The following THPO variants were observed in gnomAD, a reference collection of about 807,000 sequenced individuals.
The protein encoded by THPO is thrombopoietin, also known as MPL ligand.
THPO carries 12 observed loss-of-function variants against 17.0 expected under a neutral mutation model. That is an observed-to-expected ratio of 0.71 (90% CI 0.45 to 1.14). The LOEUF (loss-of-function observed/expected upper bound fraction) is 1.14, where lower values mean the gene tolerates loss of function less well. THPO is among the 50% of genes most tolerant of loss of function. The pLI is 0.00. For synonymous variants in THPO, 188 were observed against 183.0 expected, an observed-to-expected ratio of 1.03 and a Z score of -0.22; for missense variants, 365 against 427.5, an observed-to-expected ratio of 0.85 and a Z score of 1.29.
chr3:184,373,406 G>T lies in THPO; in HGVS notation c.396+9C>A. The T allele has an allele frequency of 1.9e-6, 3 of 1,613,946 alleles. No homozygotes were observed. The highest frequency in any genetic ancestry group is 2.5e-6 in the Non-Finnish European group (3 of 1,179,946). On this transcript the variant is annotated intron_variant, in intron 5 of 5. Coordinates refer to ENST00000647395, the MANE Select transcript of THPO (RefSeq NM_000460.4). ...ACAGTTTCTACAGATCCCTTGACTG[G>T]GGACTTACCTGGGTTCCAAGGAGGC... is the stretch of plus-strand genomic sequence containing the variant.
At chr3:184,377,787 G>C (rs1410352947) in intron 1 of THPO, among the ~76,000 whole-genome samples, 2 of 152,186 alleles carry the variant, frequency 1.3e-5, no homozygotes, top group Non-Finnish European at 2.9e-5. Context: ...TAAGCCCTAA[G>C]TGCAGCTCCC....
chr3:184,374,551 T>A (rs891037710), intron 4 of THPO, among the ~76,000 whole-genome samples: 6 of 152,196 alleles, frequency 3.9e-5, no homozygotes, highest in Non-Finnish European at 5.9e-5. Flanking sequence ...TGTAGTCCAC[T>A]CGGAATAGAG....
Position 184,373,128 on chromosome 3 carries a change from G to A in THPO, c.447C>T (p.Phe149=). 1 of 1,613,532 alleles carries A rather than the reference G, an allele frequency of 6.2e-7. No homozygotes were observed. The highest frequency in any genetic ancestry group is 8.5e-7 in the Non-Finnish European group (1 of 1,180,020). The part of the protein sequence containing the change: ...TTAHKDPNAI[F]LSFQHLLRGK... ...CTCGGAGCAGGTGTTGGAAGCTCAG[G>A]AAGATGGCATTGGGATCCTTGTGAG... Residue 149 remains phenylalanine (F), a synonymous_variant, in exon 6 of 6, where the codon TTC becomes TTT. Coordinates refer to ENST00000647395, the MANE Select transcript of THPO (RefSeq NM_000460.4).
At chr3:184,373,202 G>A (rs1714092281) in intron 5 of THPO, 24 bp from the exon 6 acceptor site, 1 of 1,607,778 alleles carries the variant, frequency 6.2e-7, no homozygotes, top group Admixed American at 1.7e-5. Context: ...ATGGTCCTGA[G>A]GCCAAACACC....
upstream of THPO, chr3:184,378,773 C>CCT: frequency 1.0e-6 from 1 of 984,726 alleles, no homozygotes; most frequent in Non-Finnish European, 1.2e-6. Context: ...TGCTCGTCTG[C>CCT]TGGGGTCCAG....
At position 184,375,516 on chromosome 3, in the gene THPO, A is replaced by G. The variant is rs1359148425; in HGVS notation, c.227T>C (p.Met76Thr). Residue 76 changes from methionine (M) to threonine (T), a missense_variant and splice_region_variant, in exon 4 of 6, where the codon ATG becomes ACG. Coordinates refer to ENST00000647395, the MANE Select transcript of THPO (RefSeq NM_000460.4). ...CAAGGTTAGGGATGGCTTTCTTACCATCTGGGTTTTCCATTCTCCCAAGCT... is the reference window on the plus strand; with the variant it reads ...CAAGGTTAGGGATGGCTTTCTTACCGTCTGGGTTTTCCATTCTCCCAAGCT... ...DFSLGEWKTQ[M>T]EETKAQDILG... 1.9e-6 allele frequency: 3 copies of G among 1,614,004 alleles called. No individual in the cohort carries two copies. The highest frequency in any genetic ancestry group is 1.3e-5 in the African/African-American group (1 of 74,926).
Position 184,375,532 on chromosome 3 carries a change from C to T in THPO, c.211G>A (p.Glu71Lys), listed in dbSNP as rs1714313509. Residue 71 changes from glutamate (E) to lysine (K), a missense_variant, in exon 4 of 6, where the codon GAA becomes AAA. Transcript: ENST00000647395. Reference sequence around the variant, plus strand: ...TTTCTTACCATCTGGGTTTTCCATTCTCCCAAGCTAAAGTCCACAGCAGGC... The same window carrying T: ...TTTCTTACCATCTGGGTTTTCCATTTTCCCAAGCTAAAGTCCACAGCAGGC... ...LLPAVDFSLG[E>K]WKTQMEETKA... 1 of 1,614,032 alleles carries T rather than the reference C, an allele frequency of 6.2e-7. No homozygotes were observed. Among genetic ancestry groups the T allele is most frequent in the South Asian group, 1.1e-5 (1 of 91,084 alleles).
chr3:184,373,091 A>C lies in THPO; in HGVS notation c.484T>G (p.Phe162Val). 6.2e-7 allele frequency: 1 copy of C among 1,613,968 alleles called. No individual in the cohort carries two copies. The highest frequency in any genetic ancestry group is 1.1e-5 in the South Asian group (1 of 91,082). Residue 162 changes from phenylalanine (F) to valine (V), a missense_variant, in exon 6 of 6, where the codon TTC becomes GTC. Coordinates refer to ENST00000647395, the MANE Select transcript of THPO (RefSeq NM_000460.4). ...FQHLLRGKVR[F>V]LMLVGGSTLC... Reference sequence around the variant, plus strand: ...GTGGACCCTCCTACAAGCATCAGGAAACGCACCTTTCCTCGGAGCAGGTGT... The same window carrying C: ...GTGGACCCTCCTACAAGCATCAGGACACGCACCTTTCCTCGGAGCAGGTGT...
At chr3:184,378,791 G>C (rs568688017), upstream of THPO, 2 of 985,332 alleles carry the variant, frequency 2.0e-6, no homozygotes, top group African/African-American at 3.5e-5. Flanking sequence ...CAGTGGCTTA[G>C]ATGGCTACAC....
chr3:184,377,342 T>C (rs1357650133), intron 1 of THPO, among the ~76,000 whole-genome samples: 1 of 152,194 alleles, frequency 6.6e-6, no homozygotes, highest in Non-Finnish European at 1.5e-5. Context: ...AAATACTCCA[T>C]TATCTGAGGC....
Position 184,376,473 on chromosome 3 carries a change from G to A in THPO, c.-145-69C>T, listed in dbSNP as rs1024284648. 9 of 1,432,116 alleles carry A rather than the reference G, an allele frequency of 6.3e-6. No individual in the cohort carries two copies. In the African/African-American group the frequency reaches 1.0e-4, roughly 16 times the overall value. The allele number at this position is 1,432,116 out of a possible 1,614,324, so 88.7% of individuals were successfully genotyped here. ...AAGAGACTGCCTGGCAGGGTGAACA[G>A]ATGCTGGGGAGGGCTTGAGATGCTG... On this transcript the variant is annotated intron_variant, in intron 1 of 5. Coordinates refer to ENST00000647395, the MANE Select transcript of THPO (RefSeq NM_000460.4).
chr3:184,373,140 G>A lies in THPO; in HGVS notation c.435C>T (p.Pro145=), dbSNP rs1379967329. ...PQGRTTAHKD[P]NAIFLSFQHL... ...GTTGGAAGCTCAGGAAGATGGCATT[G>A]GGATCCTTGTGAGCTGTGGTCCTGC... is the stretch of plus-strand genomic sequence containing the variant. The change falls in exon 6 of 6, where the codon CCC becomes CCT. Residue 145 remains proline (P), a synonymous_variant. Transcript: ENST00000647395. 6.2e-7 allele frequency: 1 copy of A among 1,613,062 alleles called. No individual in the cohort carries two copies. Among genetic ancestry groups the A allele is most frequent in the East Asian group, 2.2e-5 (1 of 44,892 alleles).
Position 184,372,931 on chromosome 3 carries a change from CCAGTAGTTCT to C in THPO, c.634_643del (p.Arg212AlafsTer5), listed in dbSNP as rs1466653999. On this transcript the variant is annotated frameshift_variant, in exon 6 of 6. Coordinates refer to ENST00000647395, the MANE Select transcript of THPO (RefSeq NM_000460.4). LOFTEE classifies it low-confidence loss of function (END_TRUNC). ...CTGCTGCCACTTCAGAAGCCCAGAGCCAGTAGTTCTGGCTGAGGCAGTGAAGTTTGTCTCC... is the reference window on the plus strand; with the variant it reads ...CTGCTGCCACTTCAGAAGCCCAGAGCGGCTGAGGCAGTGAAGTTTGTCTCC... The C allele has an allele frequency of 6.2e-7, 1 of 1,613,816 alleles. No individual in the cohort carries two copies. Among genetic ancestry groups the C allele is most frequent in the Non-Finnish European group, 8.5e-7 (1 of 1,179,880 alleles).
rs1195404124 is a variant in THPO at position 184,375,586 on chromosome 3, C to T, written c.157G>A (p.Val53Ile). The change falls in exon 4 of 6, where the codon GTT becomes ATT. Residue 53 changes from valine to isoleucine, a missense_variant. By Grantham distance (29) the Val-to-Ile change is conservative. Transcript: ENST00000647395. ...AGGACAGGTGTAGGCAAAGGGTGAA[C>T]CTCTGGGCACTGGCTCTGTTGAAAA... Reference protein sequence around the residue: ...LHSRLSQCPEVHPLPTPVLLP... With the variant: ...LHSRLSQCPEIHPLPTPVLLP... The T allele has an allele frequency of 1.2e-6, 2 of 1,614,118 alleles. No homozygotes were observed. The highest frequency in any genetic ancestry group is 1.7e-6 in the Non-Finnish European group (2 of 1,180,028).
At chr3:184,374,970 T>G (rs1440396322) in intron 4 of THPO, among the ~76,000 whole-genome samples, 1 of 152,142 alleles carries the variant, frequency 6.6e-6, no homozygotes, top group East Asian at 1.9e-4. Context: ...GTATTCTTAG[T>G]AGAGACGGGG....
Position 184,375,459 on chromosome 3 carries a change from A to G in THPO, c.228+56T>C, listed in dbSNP as rs1714306741. 3.9e-6 allele frequency: 6 copies of G among 1,530,890 alleles called. No individual in the cohort carries two copies. In the East Asian group the frequency reaches 1.3e-4, roughly 34 times the overall value. 94.8% of individuals were successfully genotyped at this position (1,530,890 alleles called of 1,614,324 possible). On this transcript the variant is annotated intron_variant, in intron 4 of 5. Coordinates refer to ENST00000647395, the MANE Select transcript of THPO (RefSeq NM_000460.4). ...GAATGTTGGAGAATCCATGGGAAGC[A>G]GTGGGAAACTGAAGACAGGACTTAG...
chr3:184,374,883 G>T (rs1386352522), intron 4 of THPO, among the ~76,000 whole-genome samples: 1 of 152,184 alleles, frequency 6.6e-6, no homozygotes, highest in Non-Finnish European at 1.5e-5. Flanking sequence ...CCACCTCCTG[G>T]GTTCAAGGGA....
chr3:184,378,327 A>T, upstream of THPO: 1 of 985,482 alleles, frequency 1.0e-6, no homozygotes, highest in Non-Finnish European at 1.2e-6. Context: ...CACCACGGAG[A>T]AGATTTGGAT....
At chr3:184,373,260 C>T in intron 5 of THPO, 82 bp from the exon 6 acceptor site, 1 of 1,585,418 alleles carries the variant, frequency 6.3e-7, no homozygotes, top group Non-Finnish European at 8.6e-7. Flanking sequence ...AGACAGGATG[C>T]CAGTACCCAG....
Sources: allele counts gnomAD v4.1 joint callset (sites outside exome capture counted in the v4.1 genomes callset), GRCh38; gene constraint gnomAD v4.1.1; transcripts MANE v1.5; gene names NCBI Gene and HGNC (gene_info 2026-07-23, HGNC 2026-07-21).